PCLO: variants seen among roughly 807,000 people sequenced by gnomAD.
The protein encoded by PCLO is piccolo presynaptic cytomatrix protein.
In PCLO, 82 loss-of-function variants were observed where a neutral mutation model predicts 427.5. The observed-to-expected ratio is 0.19, with a 90% CI of 0.16 to 0.23. The LOEUF is 0.23. Among genes scored for constraint, PCLO ranks in the 10% least tolerant of loss-of-function variants. The pLI is 1.00. For synonymous variants in PCLO, 2,357 were observed against 2,155.4 expected (o/e 1.09, Z -2.59); for missense variants, 6,239 against 6,115.9 (o/e 1.02, Z -0.67).
Position 82,788,143 on chromosome 7 carries a change from T to C in PCLO, c.15007+13375A>G, listed in dbSNP as rs533811866. Among the ~76,000 whole-genome samples the C allele has an allele frequency of 1.8e-3, 272 of 149,918 alleles. 2 individuals are homozygous for C. The highest frequency in any genetic ancestry group is 3.2e-3 in the Non-Finnish European group (215 of 67,530). The stretch of plus-strand genomic sequence containing the variant: ...CAATAAGTGTATTTATCTGATTTAA[T>C]TTAATCAATCTGATTTAAATTTATA... On this transcript the variant is annotated intron_variant, in intron 22 of 24. Transcript: ENST00000333891.
intron 10 of PCLO, among the ~76,000 whole-genome samples, chr7:82,857,146 A>G (rs1181311253): frequency 6.6e-6 from 1 of 152,146 alleles, no homozygotes; most frequent in Non-Finnish European, 1.5e-5. Context: ...AGTCTCTGCT[A>G]TTCTCTCATA....
At chr7:82,922,280 A>G (rs1168722619) in intron 6 of PCLO, among the ~76,000 whole-genome samples, 1 of 152,016 alleles carries the variant, frequency 6.6e-6, no homozygotes, top group Non-Finnish European at 1.5e-5. Flanking sequence ...ATAAAGACTC[A>G]TGCATGTGTA....
intron 20 of PCLO, chr7:82,821,350 G>A: frequency 1.0e-6 from 1 of 985,936 alleles, no homozygotes; most frequent in Non-Finnish European, 1.2e-6. Context: ...GATGGAACCA[G>A]CTTAAATGTT....
At chr7:83,057,539 T>C (rs986550986) in intron 3 of PCLO, among the ~76,000 whole-genome samples, 4 of 149,150 alleles carry the variant, frequency 2.7e-5, no homozygotes, top group Admixed American at 2.0e-4. Context: ...TTTTTTGTAT[T>C]TTTAGTGGAG....
Position 82,954,580 on chromosome 7 carries a change from G to C in PCLO, c.6373C>G (p.Leu2125Val). 1 of 1,613,904 alleles carries C rather than the reference G, an allele frequency of 6.2e-7. No individual in the cohort carries two copies. Among genetic ancestry groups the C allele is most frequent in the Non-Finnish European group, 8.5e-7 (1 of 1,179,830 alleles). ...GTTATTTTAACATCTGGGATAGAGA[G>C]TGTTGCACTGCTGGTCGAATCTGTA... is the stretch of plus-strand genomic sequence containing the variant. ...SLTDSTSSAT[L>V]SIPDVKITQH... Residue 2125 changes from leucine (L) to valine (V), a missense_variant, in exon 5 of 25, where the codon CTC (leucine) becomes GTC (valine). Coordinates refer to ENST00000333891, the MANE Select transcript of PCLO (RefSeq NM_033026.6).
intron 3 of PCLO, among the ~76,000 whole-genome samples, chr7:83,076,994 T>TAATATAA (rs146081000): frequency 8.1e-5 from 12 of 147,254 alleles, no homozygotes; most frequent in African/African-American, 3.0e-4. Flanking sequence ...ATTAAAAGTA[T>TAATATAA]AATAATTTTA....
chr7:83,037,988 C>A lies in PCLO; in HGVS notation c.3301-71501G>T, dbSNP rs555747508. On this transcript the variant is annotated intron_variant, in intron 3 of 24. Coordinates refer to ENST00000333891, the MANE Select transcript of PCLO (RefSeq NM_033026.6). ...AGTTGTGTGGAGGTGTAAGGAGGAG[C>A]TTATATATATATATATATATATATA... Among the ~76,000 whole-genome samples the A allele has an allele frequency of 1.5e-3, 22 of 14,258 alleles. 1 individual carries two copies. Among genetic ancestry groups the A allele is most frequent in the South Asian group, 0.011 (4 of 350 alleles). 9.4% of individuals were successfully genotyped at this position (14,258 alleles called of 152,430 possible). A position where few individuals can be genotyped will look rare whatever the true frequency, so the allele number is the denominator to read the frequency against.
chr7:83,148,288 AC>A (rs2116661357), intron 2 of PCLO, among the ~76,000 whole-genome samples: 1 of 152,226 alleles, frequency 6.6e-6, no homozygotes, highest in South Asian at 2.1e-4. Flanking sequence ...GAGTGAGGGA[AC>A]CCTACAACCC....
At chr7:83,034,233 G>A (rs1788738544) in intron 3 of PCLO, among the ~76,000 whole-genome samples, 1 of 152,102 alleles carries the variant, frequency 6.6e-6, no homozygotes, top group African/African-American at 2.4e-5. Context: ...TTTTGTGACA[G>A]GTTGGATTGC....
chr7:82,897,418 T>C (rs1334951379), intron 9 of PCLO, among the ~76,000 whole-genome samples: 2 of 151,494 alleles, frequency 1.3e-5, no homozygotes, highest in Non-Finnish European at 3.0e-5. Context: ...AGATTACAGG[T>C]CTGTGTTTCT....
intron 22 of PCLO, among the ~76,000 whole-genome samples, chr7:82,767,139 CAAACAACA>C (rs1790547390): frequency 6.6e-6 from 1 of 151,738 alleles, no homozygotes; most frequent in African/African-American, 2.4e-5. Flanking sequence ...AACAAACAAA[CAAACAACA>C]AAAAACCATC....
chr7:82,841,465 T>C lies in PCLO; in HGVS notation c.14091A>G (p.Glu4697=). ...TTTTTAAAAAACTTCATACCTGAATTTCTCCTGTAATTGGATGAGAGACAA... is the reference window on the plus strand; with the variant it reads ...TTTTTAAAAAACTTCATACCTGAATCTCTCCTGTAATTGGATGAGAGACAA... ...TKVVSHPITG[E]IQLQINYDLG... Residue 4697 remains glutamate, a synonymous_variant, in exon 14 of 25, where the codon GAA becomes GAG. Transcript: ENST00000333891. 2 of 1,600,040 alleles carry C rather than the reference T, an allele frequency of 1.2e-6. No homozygotes were observed. The highest frequency in any genetic ancestry group is 1.7e-6 in the Non-Finnish European group (2 of 1,168,096).
chr7:82,905,815 C>T (rs75676448), intron 8 of PCLO, among the ~76,000 whole-genome samples: 10,076 of 151,892 alleles, frequency 0.066, 454 homozygotes, highest in East Asian at 0.19. Flanking sequence ...ATGATGTGAG[C>T]GTTAAGTGCA....
intron 20 of PCLO, among the ~76,000 whole-genome samples, chr7:82,818,119 A>G (rs1028434518): frequency 1.3e-5 from 2 of 152,132 alleles, no homozygotes; most frequent in African/African-American, 4.8e-5. Context: ...AAACATTTCC[A>G]GAGGTTTTTA....
At chr7:82,823,669 T>C (rs1276519919) in intron 19 of PCLO, among the ~76,000 whole-genome samples, 1 of 152,146 alleles carries the variant, frequency 6.6e-6, no homozygotes. Flanking sequence ...ATAATAATAG[T>C]TATTAAAAAA....
chr7:82,802,370 A>G (rs1262923412), intron 21 of PCLO, among the ~76,000 whole-genome samples: 3 of 152,206 alleles, frequency 2.0e-5, no homozygotes, highest in Non-Finnish European at 4.4e-5. Flanking sequence ...TAGTAGCCTT[A>G]GAATTCAACC....
intron 4 of PCLO, among the ~76,000 whole-genome samples, chr7:82,959,331 T>C (rs1795603665): frequency 1.3e-5 from 2 of 152,342 alleles, no homozygotes; most frequent in South Asian, 4.1e-4. Context: ...CCCAAAATCC[T>C]GGGATTACAG....
chr7:83,091,391 A>G (rs1790374580), intron 3 of PCLO, among the ~76,000 whole-genome samples: 1 of 152,168 alleles, frequency 6.6e-6, no homozygotes. Flanking sequence ...AAATGTCAGT[A>G]CTTTGACACT....
At chr7:82,841,363 A>C in intron 14 of PCLO, 96 bp downstream of exon 14, 1 of 749,556 alleles carries the variant, frequency 1.3e-6, no homozygotes, top group Non-Finnish European at 2.4e-6. Flanking sequence ...TTACAGAATA[A>C]GAAAAATCCT....
Sources: gnomAD v4.1 joint callset for allele counts (sites outside exome capture counted in the v4.1 genomes callset) on GRCh38, gnomAD v4.1.1 for gene constraint, MANE v1.5 for transcripts, NCBI Gene and HGNC (gene_info 2026-07-23, HGNC 2026-07-21) for gene names.